COMMD10: variants seen among roughly 807,000 people sequenced by gnomAD.
COMMD10 encodes COMM domain containing 10.
A neutral mutation model predicts 28.9 loss-of-function variants in COMMD10; 33 were observed. The ratio of observed to expected loss-of-function variants is 1.14; its 90% CI spans 0.87 to 1.53. The LOEUF (loss-of-function observed/expected upper bound fraction) is 1.53, where lower values mean the gene tolerates loss of function less well. COMMD10 is among the 40% of genes most tolerant of loss of function. COMMD10 has a pLI of 0.00. For synonymous variants in COMMD10, 110 were observed against 81.7 expected, an observed-to-expected ratio of 1.35 and a Z score of -1.87; for missense variants, 310 against 233.4, an observed-to-expected ratio of 1.33 and a Z score of -2.14.
In COMMD10 at chr5:116,144,939, A is replaced by G. The variant is rs575743532; in HGVS notation, c.510+10761A>G. Reference sequence around the variant, plus strand: ...AAAATGATGCAGAATGGAGAGGGATATATTAATACATTTCTTGAGAAAGTG... The same window carrying G: ...AAAATGATGCAGAATGGAGAGGGATGTATTAATACATTTCTTGAGAAAGTG... On this transcript the variant is annotated intron_variant, in intron 5 of 6. Transcript: ENST00000274458. Among the ~76,000 whole-genome samples the G allele has an allele frequency of 2.5e-4, 38 of 151,950 alleles. 1 individual carries two copies. The highest frequency in any genetic ancestry group is 8.7e-4 in the African/African-American group (36 of 41,510).
intron 4 of COMMD10, among the ~76,000 whole-genome samples, chr5:116,107,188 G>C (rs566249923): frequency 1.3e-5 from 2 of 152,124 alleles, no homozygotes; most frequent in African/African-American, 4.8e-5. Flanking sequence ...TATCTTTGCG[G>C]TGTTCCCTCT....
At chr5:116,217,750 C>G (rs920084245) in intron 5 of COMMD10, among the ~76,000 whole-genome samples, 2 of 152,036 alleles carry the variant, frequency 1.3e-5, no homozygotes, top group African/African-American at 4.8e-5. Context: ...CCATATGTGT[C>G]AAAGTCGCGG....
At chr5:116,114,158 T>C (rs1751153941) in intron 4 of COMMD10, among the ~76,000 whole-genome samples, 1 of 152,172 alleles carries the variant, frequency 6.6e-6, no homozygotes, top group Non-Finnish European at 1.5e-5. Context: ...TTCTTCAGGT[T>C]TCAGTGGTAG....
intron 4 of COMMD10, among the ~76,000 whole-genome samples, chr5:116,094,145 A>G (rs1217128105): frequency 6.6e-6 from 1 of 152,208 alleles, no homozygotes; most frequent in Non-Finnish European, 1.5e-5. Context: ...TAAAACATGG[A>G]CAAAAAACCC....
intron 5 of COMMD10, among the ~76,000 whole-genome samples, chr5:116,223,761 A>T (rs1025425048): frequency 6.6e-6 from 1 of 152,186 alleles, no homozygotes; most frequent in African/African-American, 2.4e-5. Flanking sequence ...GAAGTTCATG[A>T]TCGTAGGAGT....
chr5:116,235,587 C>A (rs1212064964), intron 5 of COMMD10, among the ~76,000 whole-genome samples: 2 of 152,102 alleles, frequency 1.3e-5, no homozygotes, highest in African/African-American at 4.8e-5. Flanking sequence ...TCTGAATTAT[C>A]TGTTTGCTTT....
chr5:116,090,964 A>G (rs759190863), intron 2 of COMMD10, 115 bp from the exon 3 acceptor site: 5 of 567,480 alleles, frequency 8.8e-6, no homozygotes, highest in African/African-American at 5.8e-5. Flanking sequence ...TCTTTTCACC[A>G]TGTATTTTTC....
intron 5 of COMMD10, among the ~76,000 whole-genome samples, chr5:116,232,877 A>G (rs1027432721): frequency 9.2e-5 from 14 of 152,196 alleles, no homozygotes; most frequent in Non-Finnish European, 5.9e-5. Context: ...ATACAGGACA[A>G]GACAAAGAGA....
intron 5 of COMMD10, among the ~76,000 whole-genome samples, chr5:116,202,884 G>A (rs1389673206): frequency 1.3e-5 from 2 of 152,078 alleles, no homozygotes; most frequent in Admixed American, 6.5e-5. Flanking sequence ...GAAGCTCTTT[G>A]GTTTAATTAA....
At chr5:116,218,369 CA>C in intron 5 of COMMD10, 5 of 577,388 alleles carry the variant, frequency 8.7e-6, no homozygotes, top group South Asian at 8.3e-5. Flanking sequence ...TTGGTGAGTC[CA>C]GGGGTCGTTC....
intron 5 of COMMD10, among the ~76,000 whole-genome samples, chr5:116,173,436 A>G (rs1446294562): frequency 6.6e-6 from 1 of 152,098 alleles, no homozygotes; most frequent in Non-Finnish European, 1.5e-5. Context: ...TTTACTTTCT[A>G]TGTTATTTTG....
intron 5 of COMMD10, among the ~76,000 whole-genome samples, chr5:116,180,318 A>G (rs1747913317): frequency 6.6e-6 from 1 of 152,140 alleles, no homozygotes; most frequent in Non-Finnish European, 1.5e-5. Flanking sequence ...TGTAATTGTC[A>G]CTGATCCATT....
At position 116,292,340 on chromosome 5, in the gene COMMD10, A is replaced by G. The variant is rs192800966; in HGVS notation, c.571-111A>G. The G allele has an allele frequency of 3.3e-3, 1,762 of 541,256 alleles. 8 individuals carry two copies. The highest frequency in any genetic ancestry group is 4.7e-3 in the Non-Finnish European group (1,500 of 320,882). 33.5% of individuals were successfully genotyped at this position (541,256 alleles called of 1,614,324 possible). A position where few individuals can be genotyped will look rare whatever the true frequency, so the allele number is the denominator to read the frequency against. On this transcript the variant is annotated intron_variant, in intron 6 of 6. Coordinates refer to ENST00000274458, the MANE Select transcript of COMMD10 (RefSeq NM_016144.4). ...TGCTATGTGAATGGATTTAATATTC[A>G]TAGTTACCAGTGCTATTTTTTCCTT...
intron 4 of COMMD10, among the ~76,000 whole-genome samples, chr5:116,094,637 A>G (rs1280897257): frequency 2.0e-5 from 3 of 152,192 alleles, no homozygotes; most frequent in Admixed American, 1.3e-4. Context: ...CTAAAATTAG[A>G]ACTACCACAC....
intron 5 of COMMD10, among the ~76,000 whole-genome samples, chr5:116,278,061 G>C (rs935827495): frequency 6.6e-6 from 1 of 151,712 alleles, no homozygotes; most frequent in African/African-American, 2.4e-5. Context: ...CCTCAGCCAA[G>C]ATAGTAACAC....
intron 5 of COMMD10, among the ~76,000 whole-genome samples, chr5:116,184,866 G>A (rs1748089147): frequency 1.3e-5 from 2 of 151,964 alleles, no homozygotes; most frequent in Admixed American, 6.6e-5. Context: ...AATCGATTTT[G>A]GGGCTTTTAA....
chr5:116,163,758 A>G (rs1753000961), intron 5 of COMMD10, among the ~76,000 whole-genome samples: 1 of 152,164 alleles, frequency 6.6e-6, no homozygotes, highest in Non-Finnish European at 1.5e-5. Flanking sequence ...GTCTTCTTAA[A>G]CCACTTTTTG....
chr5:116,135,840 G>A (rs541951777), intron 5 of COMMD10, among the ~76,000 whole-genome samples: 1 of 152,104 alleles, frequency 6.6e-6, no homozygotes, highest in African/African-American at 2.4e-5. Context: ...GTGGGCAGGG[G>A]GACTACTGTG....
chr5:116,256,954 C>A (rs971638473), intron 5 of COMMD10, among the ~76,000 whole-genome samples: 1 of 151,664 alleles, frequency 6.6e-6, no homozygotes, highest in Admixed American at 6.6e-5. Context: ...ATGTACTTAA[C>A]AGTGAAAAAA....
Sources: gnomAD v4.1 joint callset for allele counts (sites outside exome capture counted in the v4.1 genomes callset) on GRCh38, gnomAD v4.1.1 for gene constraint, MANE v1.5 for transcripts, NCBI Gene and HGNC (gene_info 2026-07-23, HGNC 2026-07-21) for gene names.